The following HADHB variants were observed in gnomAD, a reference collection of about 807,000 sequenced individuals.
HADHB encodes the protein trifunctional enzyme subunit beta, mitochondrial.
Under a neutral mutation model 61.9 loss-of-function variants are expected in HADHB, and 50 were observed. The ratio of observed to expected loss-of-function variants is 0.81; its 90% CI spans 0.64 to 1.02. The LOEUF (loss-of-function observed/expected upper bound fraction) is 1.02, where lower values mean the gene tolerates loss of function less well. HADHB is among the 50% of genes least tolerant of loss of function. The pLI is 0.00. For missense variants in HADHB, 504 were observed against 586.5 expected (o/e 0.86, Z 1.45); for synonymous variants, 191 against 201.6 (o/e 0.95, Z 0.45).
chr2:26,279,432 C>T (rs1672695482), intron 9 of HADHB, 117 bp downstream of exon 9: 1 of 765,628 alleles, frequency 1.3e-6, no homozygotes, highest in Non-Finnish European at 2.3e-6. Context: ...AGTATTCAGC[C>T]TTTATTCTTA....
intron 3 of HADHB, chr2:26,260,762 G>T: frequency 2.0e-6 from 1 of 507,182 alleles, no homozygotes; most frequent in Non-Finnish European, 3.5e-6. Context: ...CAAGCAAGCA[G>T]CTCTAGGGGC....
chr2:26,272,736 A>G (rs1672396287), intron 5 of HADHB, among the ~76,000 whole-genome samples: 2 of 152,122 alleles, frequency 1.3e-5, no homozygotes, highest in Non-Finnish European at 2.9e-5. Context: ...TGGACCTGGT[A>G]TCAGTCATTT....
intron 3 of HADHB, chr2:26,254,756 T>C: frequency 2.5e-6 from 1 of 400,874 alleles, no homozygotes; most frequent in Non-Finnish European, 4.6e-6. Flanking sequence ...GTCAGTTTAT[T>C]TATCCTCTTG....
chr2:26,284,162 C>T lies in HADHB; in HGVS notation c.1107C>T (p.Thr369=), dbSNP rs1672917730. ...TPKVLEKAGL[T]MNDIDAFEFH... The stretch of plus-strand genomic sequence containing the variant: ...AAGTTCTAGAAAAGGCAGGATTGAC[C>T]ATGAATGATATTGATGCTTTTGAAT... The change falls in exon 13 of 16, where the codon ACC becomes ACT. Residue 369 remains threonine, a synonymous_variant. Transcript: ENST00000317799. 3.7e-6 allele frequency: 6 copies of T among 1,601,086 alleles called. No homozygotes were observed. Among genetic ancestry groups the T allele is most frequent in the East Asian group, 4.5e-5 (2 of 44,782 alleles).
intron 7 of HADHB, among the ~76,000 whole-genome samples, chr2:26,277,623 G>T (rs925421649): frequency 2.0e-5 from 3 of 152,104 alleles, no homozygotes; most frequent in African/African-American, 7.2e-5. Context: ...AAAATTTGGG[G>T]GTTCTAACCG....
At chr2:26,258,577 C>CGGTGGCG in intron 3 of HADHB, among the ~76,000 whole-genome samples, 1 of 152,250 alleles carries the variant, frequency 6.6e-6, no homozygotes, top group Admixed American at 6.5e-5. Context: ...GGGTCTGCGA[C>CGGTGGCG]AGTGGCGAAC....
At chr2:26,252,052 A>G (rs1302153310) in intron 1 of HADHB, among the ~76,000 whole-genome samples, 1 of 152,210 alleles carries the variant, frequency 6.6e-6, no homozygotes, top group Non-Finnish European at 1.5e-5. Context: ...AAGCTCACTC[A>G]CATGGCTGTT....
chr2:26,276,958 G>A (rs1470544429), intron 6 of HADHB, 115 bp from the exon 7 acceptor site: 1 of 717,246 alleles, frequency 1.4e-6, no homozygotes, highest in Non-Finnish European at 2.6e-6. Context: ...ATATTGCTCT[G>A]GAGAATGTTA....
intron 1 of HADHB, among the ~76,000 whole-genome samples, chr2:26,246,315 A>G (rs921800117): frequency 1.3e-5 from 2 of 151,312 alleles, no homozygotes; most frequent in African/African-American, 4.9e-5. Flanking sequence ...TCTCTGTTAT[A>G]TATTGTTTCT....
At chr2:26,281,047 T>G (rs1357504540) in intron 10 of HADHB, among the ~76,000 whole-genome samples, 3 of 151,888 alleles carry the variant, frequency 2.0e-5, no homozygotes, top group Non-Finnish European at 2.9e-5. Flanking sequence ...CAGCCCTGAT[T>G]GTTAGAAAAC....
chr2:26,249,079 A>G (rs1325476226), intron 1 of HADHB, among the ~76,000 whole-genome samples: 2 of 151,600 alleles, frequency 1.3e-5, no homozygotes, highest in African/African-American at 2.4e-5. Context: ...GAAAATCACA[A>G]CTTTTTGTTA....
chr2:26,265,944 T>C (rs1456362895), intron 4 of HADHB, among the ~76,000 whole-genome samples: 1 of 152,120 alleles, frequency 6.6e-6, no homozygotes, highest in African/African-American at 2.4e-5. Context: ...CTCACACCTA[T>C]AATTCCAGCG....
intron 13 of HADHB, 21 bp from the exon 14 acceptor site, chr2:26,284,861 AT>A (rs767024805): frequency 7.6e-7 from 1 of 1,307,236 alleles, no homozygotes; most frequent in Non-Finnish European, 1.1e-6. Flanking sequence ...CGAGGTTCTT[AT>A]TCGATTATTT....
Position 26,283,992 on chromosome 2 carries a change from C to T in HADHB, c.1062-125C>T, listed in dbSNP as rs1672909310. The T allele has an allele frequency of 4.4e-6, 3 of 680,402 alleles. No individual in the cohort carries two copies. The East Asian group carries it at 8.2e-5, about 18-fold the overall frequency. The allele number at this position is 680,402 out of a possible 1,614,324, so 42.1% of individuals were successfully genotyped here. On this transcript the variant is annotated intron_variant, in intron 12 of 15. Transcript: ENST00000317799. ...ATCTTTAACATTTCATTAATCAGTA[C>T]AGAAAAATCAAAGAATGAGTGAAAA... is the stretch of plus-strand genomic sequence containing the variant.
intron 3 of HADHB, among the ~76,000 whole-genome samples, chr2:26,260,127 G>A (rs899234936): frequency 1.3e-5 from 2 of 148,336 alleles, no homozygotes; most frequent in Non-Finnish European, 3.0e-5. Context: ...TGTCACCCAG[G>A]CTGGAGTGCA....
intron 6 of HADHB, among the ~76,000 whole-genome samples, chr2:26,275,673 G>A (rs1175088915): frequency 6.6e-6 from 1 of 152,226 alleles, no homozygotes; most frequent in East Asian, 1.9e-4. Flanking sequence ...TTGAGAGGCT[G>A]ATGCACAGGT....
chr2:26,277,234 T>C (rs1672566373), intron 7 of HADHB, 74 bp downstream of exon 7: 3 of 84,216 alleles, frequency 3.6e-5, no homozygotes, highest in Non-Finnish European at 5.1e-5. Flanking sequence ...AAAAATGTAC[T>C]TTTTTTTTTT....
intron 1 of HADHB, among the ~76,000 whole-genome samples, chr2:26,249,229 G>A (rs537646836): frequency 6.6e-6 from 1 of 151,982 alleles, no homozygotes; most frequent in South Asian, 2.1e-4. Flanking sequence ...AAATCAAATT[G>A]GCTTCTTAAA....
intron 15 of HADHB, among the ~76,000 whole-genome samples, chr2:26,286,228 A>G (rs189973526): frequency 6.6e-6 from 1 of 152,342 alleles, no homozygotes; most frequent in Admixed American, 6.5e-5. Flanking sequence ...ACATCTTGAT[A>G]TATTTTCTTC....
Sources: allele counts gnomAD v4.1 joint callset (sites outside exome capture counted in the v4.1 genomes callset), GRCh38; gene constraint gnomAD v4.1.1; transcripts MANE v1.5; gene names NCBI Gene and HGNC (gene_info 2026-07-23, HGNC 2026-07-21).